Variants in FRK observed in about 807,000 individuals in gnomAD.
FRK encodes tyrosine-protein kinase FRK.
FRK carries 51 observed loss-of-function variants against 56.4 expected under a neutral mutation model. The ratio of observed to expected loss-of-function variants is 0.90; its 90% confidence interval spans 0.72 to 1.14. The LOEUF (loss-of-function observed/expected upper bound fraction) is 1.14, where lower values mean the gene tolerates loss of function less well. Ranked by LOEUF, FRK falls within the 50% of genes most tolerant of loss-of-function variation. The probability of loss-of-function intolerance (pLI) is 0.00; values close to 1 mark genes in which losing one functional copy is unlikely to be tolerated. For missense variants in FRK, 570 were observed against 601.4 expected (o/e 0.95, Z 0.55); for synonymous variants, 245 against 217.9 (o/e 1.12, Z -1.10).
intron 1 of FRK, among the ~76,000 whole-genome samples, chr6:116,007,381 G>A (rs890361756): frequency 6.6e-6 from 1 of 152,152 alleles, no homozygotes; most frequent in Non-Finnish European, 1.5e-5. Flanking sequence ...CTCAGGCCCA[G>A]GGAAGTTTAT....
rs141208044 is a variant in FRK at position 115,943,073 on chromosome 6, G to C, written c.1253C>G (p.Ser418Ter). The C allele has an allele frequency of 3.1e-6, 5 of 1,613,188 alleles. No individual in the cohort carries two copies. The African/African-American group carries it at 6.7e-5, about 22-fold the overall frequency. ...NKFSIKSDVW[S>*]FGILLYEIIT... ...GATTTCATAAAGAAGGATTCCAAAT[G>C]ACCATACATCGGACTTAATGCTGAA... The change falls in exon 7 of 8, where the codon TCA becomes TGA. Residue 418 changes from serine (S) to a stop codon, truncating the protein, a stop_gained. Coordinates refer to ENST00000606080, the MANE Select transcript of FRK (RefSeq NM_002031.3). LOFTEE classifies it high-confidence loss of function.
the FRK span, among the ~76,000 whole-genome samples, chr6:116,092,545 G>T: frequency 5.9e-5 from 9 of 152,170 alleles, no homozygotes; most frequent in Admixed American, 5.9e-4. Context: ...AAAGGTGCAG[G>T]TTTTCAAGAA....
At chr6:115,989,855 A>C (rs1209823705) in intron 2 of FRK, among the ~76,000 whole-genome samples, 1 of 151,902 alleles carries the variant, frequency 6.6e-6, no homozygotes, top group Non-Finnish European at 1.5e-5. Context: ...TCTTTGAGAA[A>C]TGTCCACACT....
At chr6:116,007,607 T>G (rs575252862) in intron 1 of FRK, among the ~76,000 whole-genome samples, 23 of 152,294 alleles carry the variant, frequency 1.5e-4, no homozygotes, top group Admixed American at 9.8e-4. Flanking sequence ...CTAGTAAAAT[T>G]TGAGCATTTT....
chr6:116,100,539 C>G, the FRK span, among the ~76,000 whole-genome samples: 8 of 152,016 alleles, frequency 5.3e-5, no homozygotes, highest in Admixed American at 3.9e-4. Context: ...TGGAGTGTCC[C>G]GGTTAATTTT....
At chr6:115,949,503 C>G (rs761744750) in intron 5 of FRK, among the ~76,000 whole-genome samples, 1 of 152,012 alleles carries the variant, frequency 6.6e-6, no homozygotes, top group Non-Finnish European at 1.5e-5. Context: ...TTAAAGAGAA[C>G]TACAAACCAC....
rs115571465 is a variant in FRK at position 116,055,307 on chromosome 6, C to T, written c.344+4661G>A. 5.0e-3 allele frequency among the ~76,000 whole-genome samples: 755 copies of T among 152,278 alleles called. 3 individuals are homozygous for T. Among genetic ancestry groups the T allele is most frequent in the African/African-American group, 0.017 (713 of 41,548 alleles). The stretch of plus-strand genomic sequence containing the variant: ...ACTTTTATACTTCAGAACATTCTAA[C>T]ATTTTTATACCATAATCATAAACTA... On this transcript the variant is annotated intron_variant, in intron 1 of 7. Coordinates refer to ENST00000606080, the MANE Select transcript of FRK (RefSeq NM_002031.3).
At position 115,933,217 on chromosome 6, in the gene FRK, A is replaced by G. The variant is rs995843558; in HGVS notation, c.*9197T>C. The G allele has an allele frequency of 1.3e-5, 2 of 152,230 alleles. No individual in the cohort carries two copies. Among genetic ancestry groups the G allele is most frequent in the Non-Finnish European group, 2.9e-5 (2 of 68,042 alleles). The allele number at this position is 152,230 out of a possible 1,614,324, so 9.4% of individuals were successfully genotyped here. On this transcript the variant is annotated 3_prime_UTR_variant, in exon 8 of 8. Coordinates refer to ENST00000606080, the MANE Select transcript of FRK (RefSeq NM_002031.3). ...AAAGAGATTTGAAATACAACATGAA[A>G]TGATGTACTCACATCCCTCACCACC...
chr6:116,059,033 C>G (rs1691745191), intron 1 of FRK, among the ~76,000 whole-genome samples: 1 of 152,080 alleles, frequency 6.6e-6, no homozygotes, highest in African/African-American at 2.4e-5. Context: ...TCCCAACCCA[C>G]CAGACCCCAA....
At chr6:115,994,382 G>T (rs1324033981) in intron 2 of FRK, among the ~76,000 whole-genome samples, 8 of 138,016 alleles carry the variant, frequency 5.8e-5, no homozygotes. Context: ...AAGAAACCTG[G>T]TACTTAGAAA....
rs200726682 is a variant in FRK at position 115,944,290 on chromosome 6, T to A, written c.1094A>T (p.His365Leu). The A allele has an allele frequency of 3.1e-6, 5 of 1,612,922 alleles. No homozygotes were observed. Among genetic ancestry groups the A allele is most frequent in the African/African-American group, 2.7e-5 (2 of 75,014 alleles). Residue 365 changes from histidine (H) to leucine (L), a missense_variant, in exon 6 of 8, where the codon CAT becomes CTT. His to Leu is a moderately conservative substitution (Grantham distance 99). Transcript: ENST00000606080. ...AAAATCTGCTACTTTGTAGATATTA[T>A]GTTCACCAACGAGGACATTTCTGGC... Reference protein sequence around the residue: ...LAARNVLVGEHNIYKVADFGL... With the variant: ...LAARNVLVGELNIYKVADFGL...
intron 1 of FRK, among the ~76,000 whole-genome samples, chr6:116,024,384 T>C (rs1775998691): frequency 6.6e-6 from 1 of 151,682 alleles, no homozygotes; most frequent in African/African-American, 2.4e-5. Context: ...CATCTAGCAT[T>C]AGGTATATCT....
At chr6:115,965,849 A>G (rs1468039035) in intron 4 of FRK, among the ~76,000 whole-genome samples, 1 of 66,398 alleles carries the variant, frequency 1.5e-5, no homozygotes, top group East Asian at 5.0e-4. Flanking sequence ...GAATTGAACA[A>G]TGAGATCACA....
chr6:115,959,640 C>G (rs1200574146), intron 4 of FRK, among the ~76,000 whole-genome samples: 1 of 152,200 alleles, frequency 6.6e-6, no homozygotes, highest in Non-Finnish European at 1.5e-5. Flanking sequence ...TAAATTTGCA[C>G]TTCAGTGGAC....
At chr6:116,096,224 CCTT>C in the FRK span, among the ~76,000 whole-genome samples, 4 of 152,302 alleles carry the variant, frequency 2.6e-5, no homozygotes, top group African/African-American at 7.2e-5. Flanking sequence ...CTGTAGGGCC[CCTT>C]CTTTGCCCCT....
At chr6:116,011,724 A>G (rs539755122) in intron 1 of FRK, among the ~76,000 whole-genome samples, 26 of 152,328 alleles carry the variant, frequency 1.7e-4, no homozygotes, top group African/African-American at 6.3e-4. Flanking sequence ...GGGCACACTC[A>G]TAACCACATT....
the FRK span, among the ~76,000 whole-genome samples, chr6:116,088,813 A>C: frequency 6.6e-6 from 1 of 152,238 alleles, no homozygotes; most frequent in African/African-American, 2.4e-5. Context: ...CAGTCAGTTA[A>C]GTCATGAAAG....
At chr6:116,041,830 A>G (rs371314225) in intron 1 of FRK, among the ~76,000 whole-genome samples, 2 of 152,214 alleles carry the variant, frequency 1.3e-5, no homozygotes, top group East Asian at 1.9e-4. Context: ...CCGTTTGGGC[A>G]GACACCAAGC....
intron 1 of FRK, among the ~76,000 whole-genome samples, chr6:116,033,605 G>A (rs1776371656): frequency 6.6e-6 from 1 of 152,118 alleles, no homozygotes; most frequent in Non-Finnish European, 1.5e-5. Context: ...GGCAGAAGTG[G>A]AAGAAGCCAA....
Sources: allele counts gnomAD v4.1 joint callset (sites outside exome capture counted in the v4.1 genomes callset), GRCh38; gene constraint gnomAD v4.1.1; transcripts MANE v1.5; gene names NCBI Gene and HGNC (gene_info 2026-07-23, HGNC 2026-07-21).